SDHAF3: variants seen among roughly 807,000 people sequenced by gnomAD.
SDHAF3 encodes the protein succinate dehydrogenase complex assembly factor 3.
A neutral mutation model predicts 11.5 loss-of-function variants in SDHAF3; 18 were observed. That is an observed-to-expected ratio of 1.56 (90% confidence interval 1.08 to 2.32). The LOEUF is 2.32. Among genes scored for constraint, SDHAF3 ranks in the 30% most tolerant of loss-of-function variants. SDHAF3 has a pLI of 0.00. For missense variants in SDHAF3, 200 were observed against 154.4 expected, an observed-to-expected ratio of 1.30 and a Z score of -1.57; for synonymous variants, 72 against 59.3, an observed-to-expected ratio of 1.21 and a Z score of -0.99.
chr7:97,153,479 T>C (rs1789256624), intron 1 of SDHAF3, among the ~76,000 whole-genome samples: 1 of 152,248 alleles, frequency 6.6e-6, no homozygotes, highest in Non-Finnish European at 1.5e-5. Flanking sequence ...CTTCCAAGTT[T>C]TGTCAATTAT....
intron 1 of SDHAF3, among the ~76,000 whole-genome samples, chr7:97,179,026 TG>T (rs1383907711): frequency 1.3e-5 from 2 of 152,186 alleles, no homozygotes; most frequent in Non-Finnish European, 2.9e-5. Context: ...TGGTAGAAGA[TG>T]GGGTGTCTAA....
At chr7:97,155,078 A>T (rs535804274) in intron 1 of SDHAF3, among the ~76,000 whole-genome samples, 101 of 152,270 alleles carry the variant, frequency 6.6e-4, no homozygotes, top group Non-Finnish European at 2.8e-4. Flanking sequence ...TCTATTTCAA[A>T]ATTGCTTTGG....
chr7:97,128,724 A>G (rs1027381787), intron 1 of SDHAF3, among the ~76,000 whole-genome samples: 3 of 152,198 alleles, frequency 2.0e-5, no homozygotes, highest in Admixed American at 1.3e-4. Flanking sequence ...GATAATATTA[A>G]TTTTCCTTAT....
At chr7:97,162,277 T>G (rs1289184800) in intron 1 of SDHAF3, among the ~76,000 whole-genome samples, 2 of 152,174 alleles carry the variant, frequency 1.3e-5, no homozygotes, top group African/African-American at 2.4e-5. Context: ...TTGATGGGGT[T>G]GTTTTTTTCT....
intron 1 of SDHAF3, among the ~76,000 whole-genome samples, chr7:97,171,198 T>C: frequency 1.0e-5 from 1 of 97,650 alleles, no homozygotes; most frequent in East Asian, 2.6e-4. Context: ...CTTGACCAAA[T>C]GCTCCCAACT....
intron 1 of SDHAF3, among the ~76,000 whole-genome samples, chr7:97,158,140 A>T (rs1173497017): frequency 6.6e-6 from 1 of 152,114 alleles, no homozygotes; most frequent in Non-Finnish European, 1.5e-5. Flanking sequence ...AAAAAAAAAT[A>T]CAATCATTGC....
intron 1 of SDHAF3, among the ~76,000 whole-genome samples, chr7:97,164,790 C>T (rs1371175589): frequency 6.6e-6 from 1 of 152,116 alleles, no homozygotes; most frequent in Non-Finnish European, 1.5e-5. Context: ...TGAAACTGAT[C>T]TACCAATGTG....
intron 1 of SDHAF3, among the ~76,000 whole-genome samples, chr7:97,174,226 A>G (rs1789647584): frequency 6.6e-6 from 1 of 152,186 alleles, no homozygotes; most frequent in African/African-American, 2.4e-5. Flanking sequence ...TTTTTGTTCA[A>G]ATAAGAAAGT....
rs933007754 is a variant in SDHAF3 at position 97,164,771 on chromosome 7, G to A, written c.175-16241G>A. Reference sequence around the variant, plus strand: ...CACACAGTGAATAACTAGTGGTGGAGATTTGAAGTGAAACTGATCTACCAA... The same window carrying A: ...CACACAGTGAATAACTAGTGGTGGAAATTTGAAGTGAAACTGATCTACCAA... On this transcript the variant is annotated intron_variant, in intron 1 of 1. Transcript: ENST00000432641. Among the ~76,000 whole-genome samples, 3 of 152,118 alleles carry A rather than the reference G, an allele frequency of 2.0e-5. No individual in the cohort carries two copies. In the East Asian group the frequency reaches 5.8e-4, roughly 29 times the overall value.
intron 1 of SDHAF3, among the ~76,000 whole-genome samples, chr7:97,176,828 A>G (rs1343150040): frequency 6.6e-6 from 1 of 152,152 alleles, no homozygotes; most frequent in Non-Finnish European, 1.5e-5. Flanking sequence ...AGTTATGAAA[A>G]TTTTCAAAAA....
In SDHAF3 at chr7:97,181,095, A is replaced by G. The variant is rs774817312; in HGVS notation, c.258A>G (p.Pro86=). ...TGKACFGTFL[P]EEKLNDFRDE... is the part of the protein sequence containing the mutation. ...AAGCATGTTTTGGCACCTTCCTCCC[A>G]GAAGAAAAACTTAATGACTTTCGTG... The change falls in exon 2 of 2, where the codon CCA becomes CCG. Residue 86 remains proline (P), a synonymous_variant. Transcript: ENST00000432641. The G allele has an allele frequency of 1.2e-5, 19 of 1,614,078 alleles. No individual in the cohort carries two copies. The South Asian group carries it at 1.8e-4, about 15-fold the overall frequency.
At chr7:97,126,864 C>A (rs1453098271) in intron 1 of SDHAF3, among the ~76,000 whole-genome samples, 1 of 150,168 alleles carries the variant, frequency 6.7e-6, no homozygotes, top group African/African-American at 2.4e-5. Flanking sequence ...AAAAAAAAAC[C>A]CTGCAGCTAG....
chr7:97,136,800 T>G (rs1456978941), intron 1 of SDHAF3, among the ~76,000 whole-genome samples: 1 of 152,226 alleles, frequency 6.6e-6, no homozygotes, highest in Non-Finnish European at 1.5e-5. Flanking sequence ...ATTGTTTGAT[T>G]AATATCCAGC....
At chr7:97,155,493 C>T (rs1789288147) in intron 1 of SDHAF3, among the ~76,000 whole-genome samples, 1 of 152,196 alleles carries the variant, frequency 6.6e-6, no homozygotes, top group African/African-American at 2.4e-5. Flanking sequence ...TGCCCCATGC[C>T]TCATTTCTCA....
At chr7:97,134,135 C>T (rs774726125) in intron 1 of SDHAF3, among the ~76,000 whole-genome samples, 5 of 152,180 alleles carry the variant, frequency 3.3e-5, no homozygotes, top group Non-Finnish European at 7.3e-5. Flanking sequence ...GATGATACAG[C>T]AAACACGTTA....
At chr7:97,178,352 T>C (rs1183622508) in intron 1 of SDHAF3, among the ~76,000 whole-genome samples, 2 of 152,202 alleles carry the variant, frequency 1.3e-5, no homozygotes, top group East Asian at 3.8e-4. Context: ...AAGTATGTGT[T>C]TGAGTTCCTG....
At chr7:97,164,524 G>A (rs1025032829) in intron 1 of SDHAF3, among the ~76,000 whole-genome samples, 2 of 151,590 alleles carry the variant, frequency 1.3e-5, no homozygotes, top group African/African-American at 4.9e-5. Context: ...TTATAGGTGT[G>A]CGCCACAACA....
chr7:97,125,740 T>G (rs1044365716), intron 1 of SDHAF3, among the ~76,000 whole-genome samples: 1 of 152,218 alleles, frequency 6.6e-6, no homozygotes, highest in African/African-American at 2.4e-5. Flanking sequence ...CTGTAACCTT[T>G]TGTCAGAGTT....
At chr7:97,127,355 A>G (rs889560194) in intron 1 of SDHAF3, among the ~76,000 whole-genome samples, 4 of 152,170 alleles carry the variant, frequency 2.6e-5, no homozygotes, top group African/African-American at 9.7e-5. Context: ...ATTATGTTCA[A>G]TTCTTTATAC....
Sources: allele counts gnomAD v4.1 joint callset (sites outside exome capture counted in the v4.1 genomes callset), GRCh38; gene constraint gnomAD v4.1.1; transcripts MANE v1.5; gene names NCBI Gene and HGNC (gene_info 2026-07-23, HGNC 2026-07-21).